The following STAG1 variants were observed in gnomAD, a reference collection of about 807,000 sequenced individuals.
STAG1 encodes the protein STAG1 cohesin complex component, also known as cohesin subunit SA-1.
Under a neutral mutation model 170.9 loss-of-function variants are expected in STAG1, and 26 were observed. That is an observed-to-expected ratio of 0.15 (90% CI 0.11 to 0.21). STAG1 has a LOEUF of 0.21. STAG1 is among the 10% of genes least tolerant of loss of function. The probability of loss-of-function intolerance (pLI) is 1.00; values close to 1 mark genes in which losing one functional copy is unlikely to be tolerated. For missense variants in STAG1, 964 were observed against 1,509.5 expected (o/e 0.64, Z 5.99); for synonymous variants, 514 against 497.7 (o/e 1.03, Z -0.44).
chr3:136,521,461 A>C (rs1395474980), intron 6 of STAG1, 44 bp from the exon 7 acceptor site: 5 of 1,562,434 alleles, frequency 3.2e-6, no homozygotes, highest in Non-Finnish European at 3.5e-6. Context: ...CACATTACAG[A>C]GTTTGATGAA....
At chr3:136,362,389 A>G (rs1936903151) in intron 26 of STAG1, among the ~76,000 whole-genome samples, 1 of 151,970 alleles carries the variant, frequency 6.6e-6, no homozygotes, top group Non-Finnish European at 1.5e-5. Flanking sequence ...GTTATGTAGG[A>G]CTGAAAATAT....
chr3:136,619,403 C>T (rs746004271), intron 3 of STAG1, among the ~76,000 whole-genome samples: 2 of 151,000 alleles, frequency 1.3e-5, no homozygotes, highest in African/African-American at 2.4e-5. Context: ...ATGTATGTTA[C>T]GTTAGCGCAA....
At chr3:136,632,202 C>T (rs1299989246) in intron 1 of STAG1, among the ~76,000 whole-genome samples, 6 of 152,096 alleles carry the variant, frequency 3.9e-5, no homozygotes, top group African/African-American at 1.2e-4. Flanking sequence ...CATGGGAAAT[C>T]GATGAGTAGA....
chr3:136,528,504 C>CG lies in STAG1; in HGVS notation c.472-7088_472-7087insC, dbSNP rs996379592. Reference sequence around the variant, plus strand: ...AACAGATGTCCCCGCACCCCCCCCCCCAAAAAATCACTAAGTCCTGGAAAA... The same window carrying CG: ...AACAGATGTCCCCGCACCCCCCCCCCGCAAAAAATCACTAAGTCCTGGAAAA... On this transcript the variant is annotated intron_variant, in intron 6 of 33. Coordinates refer to ENST00000383202, the MANE Select transcript of STAG1 (RefSeq NM_005862.3). Among the ~76,000 whole-genome samples the CG allele has an allele frequency of 5.1e-4, 74 of 143,992 alleles. 2 individuals carry two copies. Among genetic ancestry groups the CG allele is most frequent in the East Asian group, 3.7e-3 (19 of 5,076 alleles). 94.5% of individuals were successfully genotyped at this position (143,992 alleles called of 152,430 possible).
chr3:136,680,133 C>T (rs181101098), intron 1 of STAG1, among the ~76,000 whole-genome samples: 1 of 152,048 alleles, frequency 6.6e-6, no homozygotes, highest in Admixed American at 6.6e-5. Flanking sequence ...TAGCCGTGCA[C>T]GCCTGTAATC....
chr3:136,408,205 T>C (rs2087535947), intron 21 of STAG1, among the ~76,000 whole-genome samples: 1 of 152,210 alleles, frequency 6.6e-6, no homozygotes, highest in Non-Finnish European at 1.5e-5. Flanking sequence ...TCCAAGTGTA[T>C]ATTTATAATC....
chr3:136,501,681 T>C (rs1454619214), intron 8 of STAG1, among the ~76,000 whole-genome samples: 2 of 152,208 alleles, frequency 1.3e-5, no homozygotes, highest in East Asian at 1.9e-4. Context: ...TGGTACTTTG[T>C]CACAGCAGCC....
chr3:136,729,569 CCTTTT>C lies in STAG1; in HGVS notation c.-84+22621_-84+22625del, dbSNP rs1933882912. 2.6e-5 allele frequency among the ~76,000 whole-genome samples: 3 copies of C among 114,500 alleles called. No homozygotes were observed. In the Admixed American group the frequency reaches 3.2e-4, roughly 12 times the overall value. The allele number at this position is 114,500 out of a possible 152,430, so 75.1% of individuals were successfully genotyped here. A position where few individuals can be genotyped will look rare whatever the true frequency, so the allele number is the denominator to read the frequency against. ...AAATATCTACAACATCTGTAGTTTT[CCTTTT>C]TTTTTTTTTTTTTTTTTTGAGACAG... On this transcript the variant is annotated intron_variant, in intron 1 of 33. Coordinates refer to ENST00000383202, the MANE Select transcript of STAG1 (RefSeq NM_005862.3).
chr3:136,479,073 TTTTA>T (rs1210082863), intron 9 of STAG1, among the ~76,000 whole-genome samples: 16 of 150,452 alleles, frequency 1.1e-4, no homozygotes, highest in African/African-American at 3.4e-4. Context: ...TTTTTTTTTT[TTTTA>T]ATTTTTTTTT....
intron 12 of STAG1, among the ~76,000 whole-genome samples, chr3:136,469,197 G>T (rs564410156): frequency 2.6e-5 from 4 of 152,244 alleles, no homozygotes; most frequent in South Asian, 2.1e-4. Flanking sequence ...AAGTCAAATT[G>T]TCCCTGTTTG....
chr3:136,579,092 T>A (rs1449464971), intron 4 of STAG1, among the ~76,000 whole-genome samples: 1 of 152,200 alleles, frequency 6.6e-6, no homozygotes, highest in Non-Finnish European at 1.5e-5. Flanking sequence ...TATGCTGAAG[T>A]TAGAGGGATC....
intron 29 of STAG1, among the ~76,000 whole-genome samples, chr3:136,348,158 C>CCTCTTGG (rs1936302969): frequency 1.3e-5 from 2 of 152,082 alleles, no homozygotes; most frequent in South Asian, 4.1e-4. Context: ...TCACAGACCT[C>CCTCTTGG]CTCTTGGTTT....
rs1300385499 is a variant in STAG1, at chr3:136,640,612, G to A, written c.-83-9631C>T. Among the ~76,000 whole-genome samples, 5 of 150,174 alleles carry A rather than the reference G, an allele frequency of 3.3e-5. No homozygotes were observed. In the East Asian group the frequency reaches 5.9e-4, roughly 18 times the overall value. ...TCCAACTCCTGACCTCAGGTGAACC[G>A]CCCGCCTCAGCCTCCCAAAGTACTG... On this transcript the variant is annotated intron_variant, in intron 1 of 33. Transcript: ENST00000383202.
At chr3:136,542,075 G>T in intron 6 of STAG1, 44 bp downstream of exon 6, 1 of 1,368,928 alleles carries the variant, frequency 7.3e-7, no homozygotes, top group South Asian at 1.2e-5. Context: ...TTCATCATGT[G>T]AAAGTATAAG....
chr3:136,719,641 A>AGGTGGGTAGGTGGGTGGGTGGGTAGGTG (rs1933095122), intron 1 of STAG1, among the ~76,000 whole-genome samples: 1 of 27,766 alleles, frequency 3.6e-5, no homozygotes. Flanking sequence ...GTAGGTGGGT[A>AGGTGGGTAGGTGGGTGGGTGGGTAGGTG]GGTGGGTAGG....
At chr3:136,450,545 T>C (rs929977387) in intron 14 of STAG1, among the ~76,000 whole-genome samples, 1 of 152,176 alleles carries the variant, frequency 6.6e-6, no homozygotes, top group Non-Finnish European at 1.5e-5. Context: ...CAATTTTAAT[T>C]TTCATATAGG....
chr3:136,623,058 A>G lies in STAG1; in HGVS notation c.132+88T>C. ...GTCACTGAATTTTTTTTAAGTATTAACCATACTAGCACTAGAATTAACAAC... is the reference window on the plus strand; with the variant it reads ...GTCACTGAATTTTTTTTAAGTATTAGCCATACTAGCACTAGAATTAACAAC... On this transcript the variant is annotated intron_variant, in intron 3 of 33. Coordinates refer to ENST00000383202, the MANE Select transcript of STAG1 (RefSeq NM_005862.3). 12 of 1,130,154 alleles carry G rather than the reference A, an allele frequency of 1.1e-5. No homozygotes were observed. In the South Asian group the frequency reaches 1.8e-4, roughly 17 times the overall value. 70.0% of individuals were successfully genotyped at this position (1,130,154 alleles called of 1,614,324 possible). A position where few individuals can be genotyped will look rare whatever the true frequency, so the allele number is the denominator to read the frequency against.
intron 2 of STAG1, among the ~76,000 whole-genome samples, chr3:136,624,787 T>C (rs1940022961): frequency 6.6e-6 from 1 of 152,206 alleles, no homozygotes; most frequent in Admixed American, 6.5e-5. Context: ...CAATTTCAAA[T>C]GACCAAAGTG....
At chr3:136,720,131 G>A (rs1203622201) in intron 1 of STAG1, among the ~76,000 whole-genome samples, 1 of 149,322 alleles carries the variant, frequency 6.7e-6, no homozygotes, top group African/African-American at 2.5e-5. Context: ...AGCTGAGATC[G>A]CGCCATTGCA....
Sources: allele counts gnomAD v4.1 joint callset (sites outside exome capture counted in the v4.1 genomes callset), GRCh38; gene constraint gnomAD v4.1.1; transcripts MANE v1.5; gene names NCBI Gene and HGNC (gene_info 2026-07-23, HGNC 2026-07-21).